KCNN2: variants seen among roughly 807,000 people sequenced by gnomAD.
The protein encoded by KCNN2 is potassium calcium-activated channel subfamily N member 2.
KCNN2 carries 24 observed loss-of-function variants against 55.5 expected under a neutral mutation model. The ratio of observed to expected loss-of-function variants is 0.43; its 90% CI spans 0.31 to 0.61. The LOEUF (loss-of-function observed/expected upper bound fraction) is 0.61, where lower values mean the gene tolerates loss of function less well. Among genes scored for constraint, KCNN2 ranks in the 20% least tolerant of loss-of-function variants. KCNN2 has a pLI of 0.08. For synonymous variants in KCNN2, 431 were observed against 336.1 expected (o/e 1.28, Z -3.09); for missense variants, 754 against 853.6 (o/e 0.88, Z 1.45).
chr5:114,304,094 C>T (rs964067577), intron 2 of KCNN2, among the ~76,000 whole-genome samples: 2 of 152,148 alleles, frequency 1.3e-5, no homozygotes, highest in South Asian at 4.1e-4. Flanking sequence ...TTAGACTAAG[C>T]TCTGCCCACT....
At chr5:114,220,885 G>A (rs995383166) in intron 1 of KCNN2, among the ~76,000 whole-genome samples, 24 of 151,202 alleles carry the variant, frequency 1.6e-4, no homozygotes, top group South Asian at 2.1e-4. Context: ...AAGATAGGTC[G>A]AAAAGTTCCA....
intron 1 of KCNN2, among the ~76,000 whole-genome samples, chr5:114,080,651 A>C (rs753486911): frequency 6.6e-6 from 1 of 152,216 alleles, no homozygotes; most frequent in Non-Finnish European, 1.5e-5. Flanking sequence ...TGATAAAAAC[A>C]CTAAACATAG....
In KCNN2 at chr5:114,363,201, C is replaced by T; in HGVS notation, c.1062C>T (p.Gly354=). 6.2e-7 allele frequency: 1 copy of T among 1,613,370 alleles called. No homozygotes were observed. The highest frequency in any genetic ancestry group is 1.6e-4 in the Middle Eastern group (1 of 6,062). ...TCAGCGACTACGCGCTCATCTTCGG[C>T]ATGTTCGGCATCGTGGTCATGGTCA... is the stretch of plus-strand genomic sequence containing the variant. ...KRLSDYALIF[G]MFGIVVMVIE... Residue 354 remains glycine (G), a synonymous_variant, in exon 1 of 8, where the codon GGC becomes GGT. Coordinates refer to ENST00000673685, the MANE Select transcript of KCNN2 (RefSeq NM_021614.4).
At chr5:114,371,628 A>G (rs1178950662) in intron 2 of KCNN2, among the ~76,000 whole-genome samples, 1 of 152,184 alleles carries the variant, frequency 6.6e-6, no homozygotes, top group Non-Finnish European at 1.5e-5. Flanking sequence ...TGTAAGTTTT[A>G]GCATAAAAGA....
rs564036120 is a variant in KCNN2, at chr5:114,070,894, G to A, written c.-271+14394G>A. 2.6e-5 allele frequency among the ~76,000 whole-genome samples: 4 copies of A among 152,198 alleles called. No homozygotes were observed. The East Asian group carries it at 7.7e-4, about 29-fold the overall frequency. ...TTACTGAGGAGTTTGAGGAATTAAT[G>A]CCATTTTTAAGATTCCAGTCATTCA... On this transcript the variant is annotated intron_variant, in intron 1 of 10. Transcript: ENST00000512097.
chr5:114,246,139 T>C (rs1754744729), intron 2 of KCNN2, among the ~76,000 whole-genome samples: 1 of 152,228 alleles, frequency 6.6e-6, no homozygotes, highest in East Asian at 1.9e-4. Flanking sequence ...TTCGTGAATG[T>C]AATTTTCTCT....
At chr5:114,274,349 G>A (rs375844484) in intron 2 of KCNN2, among the ~76,000 whole-genome samples, 3,372 of 148,944 alleles carry the variant, frequency 0.023, 53 homozygotes, top group Non-Finnish European at 0.035. Flanking sequence ...GAAGTTTAAA[G>A]TAGTTTTTTC....
chr5:114,478,964 C>G (rs375903535), intron 5 of KCNN2, among the ~76,000 whole-genome samples: 32 of 152,114 alleles, frequency 2.1e-4, no homozygotes, highest in African/African-American at 7.0e-4. Context: ...ACATAGACCA[C>G]TGACACTATG....
chr5:114,388,496 A>T (rs1469071887), intron 2 of KCNN2, among the ~76,000 whole-genome samples: 1 of 152,154 alleles, frequency 6.6e-6, no homozygotes. Flanking sequence ...CATTTTATTC[A>T]TACCTTGCTT....
rs1759381242 is a variant in KCNN2 at position 114,418,728 on chromosome 5, C to T, written c.1637+13872C>T. The stretch of plus-strand genomic sequence containing the variant: ...TGAAACTGTCCATGTGCTAAGATCA[C>T]TGCCACTCAACTTAGGTCCTGCTGT... On this transcript the variant is annotated intron_variant, in intron 3 of 7. Coordinates refer to ENST00000673685, the MANE Select transcript of KCNN2 (RefSeq NM_021614.4). 3.3e-5 allele frequency among the ~76,000 whole-genome samples: 5 copies of T among 152,298 alleles called. No individual in the cohort carries two copies. The South Asian group carries it at 1.0e-3, about 32-fold the overall frequency.
intron 2 of KCNN2, among the ~76,000 whole-genome samples, chr5:114,378,487 G>A (rs1758009054): frequency 6.6e-6 from 1 of 152,186 alleles, no homozygotes; most frequent in South Asian, 2.1e-4. Flanking sequence ...GGTAGATGCC[G>A]ATTGGGAAGT....
chr5:114,264,226 T>C (rs1182135959), intron 2 of KCNN2, among the ~76,000 whole-genome samples: 1 of 152,206 alleles, frequency 6.6e-6, no homozygotes, highest in Non-Finnish European at 1.5e-5. Flanking sequence ...ATGTTCTTCA[T>C]ACATGAGATG....
chr5:114,080,391 G>T (rs1750786571), intron 1 of KCNN2, among the ~76,000 whole-genome samples: 1 of 152,162 alleles, frequency 6.6e-6, no homozygotes, highest in Admixed American at 6.5e-5. Context: ...ATGTATGTTT[G>T]TTAGAGTTTA....
chr5:114,137,904 A>G (rs1752204635), intron 1 of KCNN2, among the ~76,000 whole-genome samples: 1 of 152,138 alleles, frequency 6.6e-6, no homozygotes, highest in Non-Finnish European at 1.5e-5. Context: ...TTTGTTTTTA[A>G]CTAGTTGCAA....
intron 1 of KCNN2, among the ~76,000 whole-genome samples, chr5:114,096,947 C>A (rs1751269679): frequency 6.6e-6 from 1 of 152,130 alleles, no homozygotes; most frequent in Admixed American, 6.5e-5. Context: ...TATTACCTCC[C>A]TTATATAGAT....
intron 2 of KCNN2, among the ~76,000 whole-genome samples, chr5:114,246,436 C>T (rs183736870): frequency 6.6e-5 from 10 of 152,242 alleles, no homozygotes; most frequent in Admixed American, 2.6e-4. Flanking sequence ...GAATACTTAT[C>T]TACCTATTAC....
Position 114,125,787 on chromosome 5 carries a change from C to T in KCNN2, c.-271+69287C>T, listed in dbSNP as rs143960579. ...TGGCTGTCTTCTCCCTGTGTCTTTA[C>T]AGCATCTTCCCTCCATATGTGTCTG... On this transcript the variant is annotated intron_variant, in intron 1 of 10. Coordinates refer to the KCNN2 transcript ENST00000512097. Among the ~76,000 whole-genome samples the T allele has an allele frequency of 1.3e-3, 197 of 152,308 alleles. 2 individuals are homozygous for T. Among genetic ancestry groups the T allele is most frequent in the Non-Finnish European group, 2.4e-3 (160 of 68,022 alleles).
chr5:114,367,692 G>A (rs758489657), intron 2 of KCNN2, among the ~76,000 whole-genome samples: 16 of 151,814 alleles, frequency 1.1e-4, no homozygotes, highest in Non-Finnish European at 1.8e-4. Context: ...GGTTGGAGAT[G>A]CATCTCTGAT....
At chr5:114,096,099 A>G (rs1460294695) in intron 1 of KCNN2, among the ~76,000 whole-genome samples, 1 of 152,140 alleles carries the variant, frequency 6.6e-6, no homozygotes, top group Non-Finnish European at 1.5e-5. Context: ...ACTTAATGTC[A>G]GAGAGCCAGG....
Sources: allele counts gnomAD v4.1 joint callset (sites outside exome capture counted in the v4.1 genomes callset), GRCh38; gene constraint gnomAD v4.1.1; transcripts MANE v1.5; gene names NCBI Gene and HGNC (gene_info 2026-07-23, HGNC 2026-07-21).